The following CHRNA2 variants were observed in gnomAD, a reference collection of about 807,000 sequenced individuals.
The protein encoded by CHRNA2 is neuronal acetylcholine receptor subunit alpha-2.
A neutral mutation model predicts 45.5 loss-of-function variants in CHRNA2; 40 were observed. That is an observed-to-expected ratio of 0.88 (90% confidence interval 0.68 to 1.15). The LOEUF (loss-of-function observed/expected upper bound fraction) is 1.15. Ranked by LOEUF, CHRNA2 falls within the 50% of genes most tolerant of loss-of-function variation. CHRNA2 has a pLI of 0.00. For synonymous variants in CHRNA2, 301 were observed against 296.7 expected, an observed-to-expected ratio of 1.01 and a Z score of -0.15; for missense variants, 655 against 701.7, an observed-to-expected ratio of 0.93 and a Z score of 0.75.
chr8:27,467,414 T>G, intron 4 of CHRNA2, 76 bp from the exon 5 acceptor site: 1 of 1,179,044 alleles, frequency 8.5e-7, no homozygotes, highest in Non-Finnish European at 1.3e-6. Context: ...ACCCCGGGGA[T>G]GCCCAGAATT....
chr8:27,461,457 C>G lies in CHRNA2; in HGVS notation c.*172G>C. The G allele has an allele frequency of 3.3e-6, 3 of 917,922 alleles. No individual in the cohort carries two copies. The highest frequency in any genetic ancestry group is 4.9e-6 in the Non-Finnish European group (3 of 611,296). The allele number at this position is 917,922 out of a possible 1,614,324, so 56.9% of individuals were successfully genotyped here. On this transcript the variant is annotated 3_prime_UTR_variant, in exon 7 of 7. Transcript: ENST00000407991. ...GCTTTGCACCCAGCAGGCTGTCAGCCCTGGTACAATAACGTTAAGCTGGAT... is the reference window on the plus strand; with the variant it reads ...GCTTTGCACCCAGCAGGCTGTCAGCGCTGGTACAATAACGTTAAGCTGGAT...
rs1440068030 is a variant in CHRNA2 at position 27,479,159 on chromosome 8, G to C, written c.-472C>G. 1 of 152,650 alleles carries C rather than the reference G, an allele frequency of 6.6e-6. No individual in the cohort carries two copies. The highest frequency in any genetic ancestry group is 1.5e-5 in the Non-Finnish European group (1 of 68,452). The allele number at this position is 152,650 out of a possible 1,614,324, so 9.5% of individuals were successfully genotyped here. Reference sequence around the variant, plus strand: ...ACAGCCCAGGCAGCCCAGCACAAGCGATTCTGCAGGTGAAACCCAAGCCTG... The same window carrying C: ...ACAGCCCAGGCAGCCCAGCACAAGCCATTCTGCAGGTGAAACCCAAGCCTG... On this transcript the variant is annotated 5_prime_UTR_variant, in exon 1 of 7. In the 5' UTR this introduces an upstream ATG that the reference lacks. Transcript: ENST00000407991.
In CHRNA2 at chr8:27,471,116, A is replaced by G; in HGVS notation, c.-58T>C. The G allele has an allele frequency of 3.3e-6, 5 of 1,494,620 alleles. No homozygotes were observed. Among genetic ancestry groups the G allele is most frequent in the Middle Eastern group, 1.7e-4 (1 of 5,834 alleles). 92.6% of individuals were successfully genotyped at this position (1,494,620 alleles called of 1,614,324 possible). A position where few individuals can be genotyped will look rare whatever the true frequency, so the allele number is the denominator to read the frequency against. On this transcript the variant is annotated 5_prime_UTR_variant, in exon 2 of 7. Transcript: ENST00000407991. ...GGCTTTGCTGTGGGTTGCACCATGG[A>G]CCATGTCCCCAGCAGAGCTGCTGCT... is the stretch of plus-strand genomic sequence containing the variant.
intron 1 of CHRNA2, among the ~76,000 whole-genome samples, chr8:27,476,767 C>T (rs1042584402): frequency 2.0e-5 from 3 of 152,178 alleles, no homozygotes; most frequent in Non-Finnish European, 2.9e-5. Flanking sequence ...TACTTTCATA[C>T]AGGCGTGAAG....
At chr8:27,468,600 G>C (rs1458593260) in intron 4 of CHRNA2, among the ~76,000 whole-genome samples, 1 of 152,194 alleles carries the variant, frequency 6.6e-6, no homozygotes, top group South Asian at 2.1e-4. Context: ...CTGCTGGAGA[G>C]ACTCTGAGGA....
At chr8:27,468,837 A>C (rs1812779134) in intron 4 of CHRNA2, among the ~76,000 whole-genome samples, 1 of 152,234 alleles carries the variant, frequency 6.6e-6, no homozygotes, top group African/African-American at 2.4e-5. Flanking sequence ...CATGAGATAC[A>C]GTGAGCTGGG....
rs1812871317 is a variant in CHRNA2 at position 27,471,145 on chromosome 8, TTC to T, written c.-89_-88del. 7.9e-7 allele frequency: 1 copy of T among 1,269,324 alleles called. No individual in the cohort carries two copies. The highest frequency in any genetic ancestry group is 1.5e-5 in the African/African-American group (1 of 68,238). 78.6% of individuals were successfully genotyped at this position (1,269,324 alleles called of 1,614,324 possible). A position where few individuals can be genotyped will look rare whatever the true frequency, so the allele number is the denominator to read the frequency against. ...TGTCCCCAGCAGAGCTGCTGCTGGA[TTC>T]TGTGAGGATTCTGCTGGATTCTGCG... On this transcript the variant is annotated 5_prime_UTR_variant, in exon 2 of 7. Coordinates refer to ENST00000407991, the MANE Select transcript of CHRNA2 (RefSeq NM_000742.4).
chr8:27,472,834 A>T (rs1812932048), intron 1 of CHRNA2, among the ~76,000 whole-genome samples: 1 of 152,188 alleles, frequency 6.6e-6, no homozygotes, highest in South Asian at 2.1e-4. Flanking sequence ...AGTTATTATT[A>T]AAAAATAAAC....
chr8:27,473,649 A>C (rs1245023683), intron 1 of CHRNA2, among the ~76,000 whole-genome samples: 2 of 151,964 alleles, frequency 1.3e-5, no homozygotes, highest in African/African-American at 4.8e-5. Flanking sequence ...TCAAGGCTGC[A>C]ATGGGCTATG....
chr8:27,478,667 C>G (rs1477237487), intron 1 of CHRNA2, among the ~76,000 whole-genome samples, 157 bp downstream of exon 1: 1 of 152,100 alleles, frequency 6.6e-6, no homozygotes, highest in Non-Finnish European at 1.5e-5. Context: ...CAGGGACAAC[C>G]AGGAGACTAA....
At chr8:27,474,801 C>T (rs1813011354) in intron 1 of CHRNA2, among the ~76,000 whole-genome samples, 1 of 152,248 alleles carries the variant, frequency 6.6e-6, no homozygotes, top group African/African-American at 2.4e-5. Flanking sequence ...AATGTTTGTA[C>T]AGCACCCACC....
rs1813140010 is a variant in CHRNA2, at chr8:27,478,859, T to C, written c.-172A>G. On this transcript the variant is annotated 5_prime_UTR_variant, in exon 1 of 7. Coordinates refer to ENST00000407991, the MANE Select transcript of CHRNA2 (RefSeq NM_000742.4). ...AGAAGAAAACAGGTCATTGAAAGGA[T>C]GCAGAGAACCAGCCTGGCTTGGAGA... 1 of 152,232 alleles carries C rather than the reference T, an allele frequency of 6.6e-6. No individual in the cohort carries two copies. Among genetic ancestry groups the C allele is most frequent in the Admixed American group, 6.5e-5 (1 of 15,274 alleles). 9.4% of individuals were successfully genotyped at this position (152,232 alleles called of 1,614,324 possible). A position where few individuals can be genotyped will look rare whatever the true frequency, so the allele number is the denominator to read the frequency against.
chr8:27,463,077 G>A lies in CHRNA2; in HGVS notation c.1366C>T (p.Gln456Ter). Reference sequence around the variant, plus strand: ...GGTGATAGCAGCAGCTCACCCTCCTGCAGCAGAGCCTCAGCCTTGGGACCT... The same window carrying A: ...GGTGATAGCAGCAGCTCACCCTCCTACAGCAGAGCCTCAGCCTTGGGACCT... ...ASGPKAEALLQEGELLLSPHM... is the reference protein window; with the variant it reads ...ASGPKAEALL Residue 456 changes from glutamine (Q) to a stop codon, truncating the protein, a stop_gained, in exon 6 of 7, where the codon CAG (glutamine) becomes TAG (stop). Coordinates refer to ENST00000407991, the MANE Select transcript of CHRNA2 (RefSeq NM_000742.4). LOFTEE classifies it high-confidence loss of function. This position sits in a 1 kb window ranked among gnomAD's most constrained non-coding sequence, Gnocchi z 6.1. 1 of 1,612,922 alleles carries A rather than the reference G, an allele frequency of 6.2e-7. No homozygotes were observed. Among genetic ancestry groups the A allele is most frequent in the Non-Finnish European group, 8.5e-7 (1 of 1,178,994 alleles).
chr8:27,461,346 A>G lies in CHRNA2; in HGVS notation c.*283T>C. On this transcript the variant is annotated 3_prime_UTR_variant, in exon 7 of 7. Transcript: ENST00000407991. ...CACTTAGGGTCTGCACTGCTCCTCC[A>G]GGAGAATCTTACTCTGCCCCACTTG... The G allele has an allele frequency of 2.1e-6, 1 of 472,520 alleles. No homozygotes were observed. Among genetic ancestry groups the G allele is most frequent in the South Asian group, 2.2e-5 (1 of 44,952 alleles). The allele number at this position is 472,520 out of a possible 1,614,324, so 29.3% of individuals were successfully genotyped here. A position where few individuals can be genotyped will look rare whatever the true frequency, so the allele number is the denominator to read the frequency against.
rs758793756 is a variant in CHRNA2, at chr8:27,463,743, C to T, written c.700G>A (p.Val234Ile). The T allele has an allele frequency of 3.1e-6, 5 of 1,613,998 alleles. No individual in the cohort carries two copies. Among genetic ancestry groups the T allele is most frequent in the Admixed American group, 3.3e-5 (2 of 60,016 alleles). ...CTGTTGTAGGTGCCCGTGGCATTGA[C>T]GATGGCCCACTCGCCGCTCTCCCAG... ...DYWESGEWAI[V>I]NATGTYNSKK... Residue 234 changes from valine to isoleucine, a missense_variant, in exon 6 of 7, where the codon GTC (valine) becomes ATC (isoleucine). By Grantham distance (29) the Val-to-Ile change is conservative (BLOSUM62 3). Coordinates refer to ENST00000407991, the MANE Select transcript of CHRNA2 (RefSeq NM_000742.4). This position sits in a 1 kb window ranked among gnomAD's most constrained non-coding sequence, Gnocchi z 6.1.
intron 6 of CHRNA2, 93 bp downstream of exon 6, chr8:27,462,886 C>T: frequency 6.6e-7 from 1 of 1,521,080 alleles, no homozygotes; most frequent in Non-Finnish European, 9.1e-7. Context: ...CGAGAGGGGC[C>T]TGGGCTGCCC....
At chr8:27,478,689 G>A (rs1371619259) in intron 1 of CHRNA2, 135 bp downstream of exon 1, 1 of 152,088 alleles carries the variant, frequency 6.6e-6, no homozygotes, top group Non-Finnish European at 1.5e-5. Context: ...ATATTTCTAG[G>A]AGCAGGTGAC....
intron 1 of CHRNA2, among the ~76,000 whole-genome samples, chr8:27,473,991 A>T (rs937198295): frequency 6.6e-6 from 1 of 152,102 alleles, no homozygotes; most frequent in Non-Finnish European, 1.5e-5. Flanking sequence ...GTGAAAGGTC[A>T]CTCAATCCCC....
intron 1 of CHRNA2, chr8:27,477,246 G>A (rs2132684405): frequency 6.6e-6 from 1 of 152,300 alleles, no homozygotes; most frequent in East Asian, 1.9e-4. Flanking sequence ...GGACAAGTGA[G>A]GAGAGGGGAC....
Sources: allele counts gnomAD v4.1 joint callset (sites outside exome capture counted in the v4.1 genomes callset), GRCh38; gene constraint gnomAD v4.1.1; non-coding constraint Gnocchi (gnomAD v3.1); transcripts MANE v1.5; gene names NCBI Gene and HGNC (gene_info 2026-07-23, HGNC 2026-07-21).